The following RPE variants were observed in gnomAD, a reference collection of about 807,000 sequenced individuals.
RPE encodes ribulose-phosphate 3-epimerase.
RPE carries 16 observed loss-of-function variants against 24.6 expected under a neutral mutation model. The observed-to-expected ratio is 0.65, with a 90% confidence interval of 0.44 to 0.99. The LOEUF (loss-of-function observed/expected upper bound fraction) is 0.99. Ranked by LOEUF, RPE falls within the 50% of genes least tolerant of loss-of-function variation. The pLI is 0.00. For missense variants in RPE, 240 were observed against 294.5 expected, an observed-to-expected ratio of 0.81 and a Z score of 1.35; for synonymous variants, 93 against 98.4, an observed-to-expected ratio of 0.94 and a Z score of 0.33.
At chr2:210,015,705 A>T (rs1340227112) in intron 2 of RPE, among the ~76,000 whole-genome samples, 1 of 152,152 alleles carries the variant, frequency 6.6e-6, no homozygotes, top group Non-Finnish European at 1.5e-5. Flanking sequence ...CTGGACCTAG[A>T]TTTCCTGATT....
At chr2:210,016,245 G>C (rs1209067071) in intron 3 of RPE, 133 bp downstream of exon 3, 1 of 1,613,904 alleles carries the variant, frequency 6.2e-7, no homozygotes, top group African/African-American at 1.3e-5. Flanking sequence ...GGCACAGTCA[G>C]GGCCCATTGC....
chr2:210,005,803 A>C (rs2093623662), intron 1 of RPE, among the ~76,000 whole-genome samples: 1 of 152,156 alleles, frequency 6.6e-6, no homozygotes. Context: ...AACTCTCAGC[A>C]GCATTGAGTT....
rs13396092 is a variant in RPE at position 210,018,235 on chromosome 2, G to T, written c.564+676G>T. 4.8e-4 allele frequency: 735 copies of T among 1,526,312 alleles called. No homozygotes were observed. The African/African-American group carries it at 9.1e-3, about 19-fold the overall frequency. The allele number at this position is 1,526,312 out of a possible 1,614,324, so 94.5% of individuals were successfully genotyped here. On this transcript the variant is annotated intron_variant, in intron 5 of 5. Transcript: ENST00000359429. ...CGGAATTAAAAGGTACTACCAAGGG[G>T]GGAAAATAGATAAATCTAATTGACC... is the stretch of plus-strand genomic sequence containing the variant.
intron 1 of RPE, chr2:210,003,438 G>A: frequency 1.6e-6 from 2 of 1,286,814 alleles, no homozygotes; most frequent in Non-Finnish European, 2.0e-6. Context: ...TTCTCTTCAG[G>A]CACCCTGCTC....
At chr2:210,016,963 C>T (rs905378045) in intron 4 of RPE, among the ~76,000 whole-genome samples, 1 of 152,148 alleles carries the variant, frequency 6.6e-6, no homozygotes, top group African/African-American at 2.4e-5. Flanking sequence ...CCTGCCTCGG[C>T]CCCCTGAGTA....
chr2:210,017,736 T>TCA, intron 5 of RPE, 177 bp downstream of exon 5: 2 of 555,078 alleles, frequency 3.6e-6, no homozygotes, highest in Non-Finnish European at 3.1e-6. Context: ...GGATATGCTT[T>TCA]TTTTTTTTTT....
chr2:210,018,554 C>G, intron 5 of RPE: 1 of 985,208 alleles, frequency 1.0e-6, no homozygotes, highest in Non-Finnish European at 1.2e-6. Flanking sequence ...CCACACGTTT[C>G]TGCTTGATAT....
intron 1 of RPE, among the ~76,000 whole-genome samples, chr2:210,004,476 A>G (rs747613416): frequency 2.6e-5 from 4 of 152,230 alleles, no homozygotes; most frequent in Non-Finnish European, 5.9e-5. Context: ...TGGTGGAGCC[A>G]GGGTTGGAAG....
intron 1 of RPE, among the ~76,000 whole-genome samples, chr2:210,006,113 A>G (rs532631902): frequency 1.3e-5 from 2 of 152,354 alleles, no homozygotes; most frequent in African/African-American, 4.8e-5. Context: ...AACTCCAGGA[A>G]ATAACTTAAA....
At chr2:210,009,993 C>CT (rs2093680014) in intron 2 of RPE, among the ~76,000 whole-genome samples, 1 of 152,164 alleles carries the variant, frequency 6.6e-6, no homozygotes, top group South Asian at 2.1e-4. Context: ...TCAGAGAGGC[C>CT]TTTTTGAGCG....
chr2:210,020,876 T>C lies in RPE; in HGVS notation c.*1085T>C, dbSNP rs138040160. On this transcript the variant is annotated 3_prime_UTR_variant, in exon 6 of 6. Transcript: ENST00000359429. ...ACCCTGGAAAGGATCTGGGAAGTGGTAGAATTTCTGGTCTGTACTTTTACA... is the reference window on the plus strand; with the variant it reads ...ACCCTGGAAAGGATCTGGGAAGTGGCAGAATTTCTGGTCTGTACTTTTACA... 1 of 152,652 alleles carries C rather than the reference T, an allele frequency of 6.6e-6. No homozygotes were observed. 9.5% of individuals were successfully genotyped at this position (152,652 alleles called of 1,614,324 possible). A position where few individuals can be genotyped will look rare whatever the true frequency, so the allele number is the denominator to read the frequency against.
At chr2:210,008,262 G>A (rs1440443028) in intron 1 of RPE, among the ~76,000 whole-genome samples, 4 of 151,218 alleles carry the variant, frequency 2.6e-5, no homozygotes, top group African/African-American at 9.7e-5. Context: ...TATGGTACTT[G>A]CATATAGGGG....
intron 3 of RPE, 85 bp downstream of exon 3, chr2:210,016,197 G>T: frequency 6.2e-7 from 1 of 1,613,690 alleles, no homozygotes; most frequent in South Asian, 1.1e-5. Context: ...CTCTTTTTTT[G>T]ATACAGTCTT....
intron 1 of RPE, among the ~76,000 whole-genome samples, chr2:210,004,679 A>C (rs2093606564): frequency 6.8e-6 from 1 of 145,988 alleles, no homozygotes; most frequent in African/African-American, 2.4e-5. Context: ...CTGAAAGCCA[A>C]GTTTATCTTC....
chr2:210,019,697 G>A lies in RPE; in HGVS notation c.593G>A (p.Ser198Asn), dbSNP rs780794734. 6.8e-6 allele frequency: 11 copies of A among 1,613,326 alleles called. No individual in the cohort carries two copies. The highest frequency in any genetic ancestry group is 9.3e-6 in the Non-Finnish European group (11 of 1,179,414). Reference protein sequence around the residue: ...EAGANMIVSGSAIMRSEDPRS... With the variant: ...EAGANMIVSGNAIMRSEDPRS... ...GGAGCTAACATGATTGTGTCTGGCA[G>A]TGCTATTATGAGGAGTGAAGACCCC... Residue 198 changes from serine (S) to asparagine (N), a missense_variant, in exon 6 of 6, where the codon AGT (serine) becomes AAT (asparagine). By Grantham distance (46) the Ser-to-Asn change is conservative. Transcript: ENST00000359429.
intron 1 of RPE, chr2:210,003,503 T>TAATA: frequency 8.0e-7 from 1 of 1,245,154 alleles, no homozygotes. Flanking sequence ...TTACAGCACA[T>TAATA]AATATTGTTT....
intron 1 of RPE, among the ~76,000 whole-genome samples, chr2:210,007,002 T>G (rs1232373004): frequency 6.6e-6 from 1 of 152,246 alleles, no homozygotes; most frequent in Admixed American, 6.5e-5. Context: ...TTTCGTTTGT[T>G]GTCATTATAG....
intron 1 of RPE, chr2:210,003,364 G>A (rs975435496): frequency 2.0e-5 from 17 of 840,140 alleles, no homozygotes; most frequent in Non-Finnish European, 2.7e-5. Flanking sequence ...AGTGCCTGGC[G>A]TATATTAAGT....
intron 5 of RPE, among the ~76,000 whole-genome samples, chr2:210,019,286 A>G (rs1411794631): frequency 4.6e-5 from 7 of 152,210 alleles, no homozygotes; most frequent in South Asian, 4.1e-4. Flanking sequence ...TCATATAAAT[A>G]TAATTCAAAG....
Sources: gnomAD v4.1 joint callset for allele counts (sites outside exome capture counted in the v4.1 genomes callset) on GRCh38, gnomAD v4.1.1 for gene constraint, MANE v1.5 for transcripts, NCBI Gene and HGNC (gene_info 2026-07-23, HGNC 2026-07-21) for gene names.